The following ARHGAP24 variants were observed in gnomAD, a reference collection of about 807,000 sequenced individuals.
ARHGAP24 encodes rho GTPase-activating protein 24.
In ARHGAP24, 50 loss-of-function variants were observed where a neutral mutation model predicts 76.4. That is an observed-to-expected ratio of 0.65 (90% confidence interval 0.52 to 0.83). The LOEUF (loss-of-function observed/expected upper bound fraction) is 0.83, where lower values mean the gene tolerates loss of function less well. Among genes scored for constraint, ARHGAP24 ranks in the 40% least tolerant of loss-of-function variants. The probability of loss-of-function intolerance (pLI) is 0.00; values close to 1 mark genes in which losing one functional copy is unlikely to be tolerated. For synonymous variants in ARHGAP24, 345 were observed against 323.3 expected, an observed-to-expected ratio of 1.07 and a Z score of -0.72; for missense variants, 930 against 914.2, an observed-to-expected ratio of 1.02 and a Z score of -0.22.
intron 3 of ARHGAP24, chr4:85,778,627 A>G (rs1727400150): frequency 2.1e-6 from 2 of 946,246 alleles, no homozygotes; most frequent in Non-Finnish European, 2.5e-6. Flanking sequence ...TTGTTTCTAA[A>G]TGCTCAAATA....
At chr4:85,815,090 C>T (rs899358788) in intron 3 of ARHGAP24, among the ~76,000 whole-genome samples, 1 of 152,142 alleles carries the variant, frequency 6.6e-6, no homozygotes, top group Non-Finnish European at 1.5e-5. Context: ...CAGCTGGGAC[C>T]AAGGGCACCA....
intron 1 of ARHGAP24, among the ~76,000 whole-genome samples, chr4:85,486,839 A>G (rs1461227252): frequency 6.6e-6 from 1 of 152,048 alleles, no homozygotes; most frequent in Non-Finnish European, 1.5e-5. Context: ...ATTCCCTGTG[A>G]TAAGAAATGC....
At chr4:85,819,345 C>A (rs1306662498) in intron 3 of ARHGAP24, among the ~76,000 whole-genome samples, 1 of 152,154 alleles carries the variant, frequency 6.6e-6, no homozygotes, top group Non-Finnish European at 1.5e-5. Flanking sequence ...TGATTGCAAT[C>A]TCATTTGACA....
chr4:85,683,138 G>A (rs1387163563), intron 2 of ARHGAP24, among the ~76,000 whole-genome samples: 2 of 138,808 alleles, frequency 1.4e-5, no homozygotes, highest in Non-Finnish European at 3.1e-5. Context: ...TGCGGGGGCT[G>A]TAAAAAGGTG....
At chr4:85,520,247 A>G (rs930913741) in intron 1 of ARHGAP24, among the ~76,000 whole-genome samples, 5 of 152,102 alleles carry the variant, frequency 3.3e-5, no homozygotes, top group Admixed American at 1.3e-4. Flanking sequence ...GGGTTTTCAA[A>G]TGGCCCATAA....
rs376555931 is a variant in ARHGAP24 at position 85,973,031 on chromosome 4, C to T, written c.732+863C>T. Among the ~76,000 whole-genome samples the T allele has an allele frequency of 9.9e-5, 15 of 152,186 alleles. No homozygotes were observed. In the South Asian group the frequency reaches 1.0e-3, roughly 11 times the overall value. On this transcript the variant is annotated intron_variant, in intron 6 of 9. Coordinates refer to ENST00000395184, the MANE Select transcript of ARHGAP24 (RefSeq NM_001025616.3). ...TAATGCTGTTGTGAACATCCACGTACAAAGTTTTGCATGGATCTATGTTTC... is the reference window on the plus strand; with the variant it reads ...TAATGCTGTTGTGAACATCCACGTATAAAGTTTTGCATGGATCTATGTTTC...
At chr4:85,570,437 T>TC in intron 1 of ARHGAP24, 85 bp from the exon 2 acceptor site, 1 of 772,262 alleles carries the variant, frequency 1.3e-6, no homozygotes, top group Admixed American at 2.9e-5. Flanking sequence ...CTCTCTTTTT[T>TC]TTTTTCTGGA....
At chr4:85,500,100 AAT>A (rs1723744483) in intron 1 of ARHGAP24, among the ~76,000 whole-genome samples, 1 of 152,302 alleles carries the variant, frequency 6.6e-6, no homozygotes, top group South Asian at 2.1e-4. Context: ...AATTTTCACT[AAT>A]ATTTTGAAGT....
chr4:85,599,555 A>G (rs983571514), intron 2 of ARHGAP24, among the ~76,000 whole-genome samples: 1 of 152,136 alleles, frequency 6.6e-6, no homozygotes, highest in Non-Finnish European at 1.5e-5. Flanking sequence ...CTTCCTTTTG[A>G]TGGATGTGTT....
chr4:85,561,809 C>G (rs563600250), intron 1 of ARHGAP24, among the ~76,000 whole-genome samples: 2 of 152,066 alleles, frequency 1.3e-5, no homozygotes, highest in Non-Finnish European at 2.9e-5. Flanking sequence ...TAGAAGGCCT[C>G]CATCCTCAAG....
At chr4:85,872,805 T>A (rs1732618335) in intron 3 of ARHGAP24, among the ~76,000 whole-genome samples, 1 of 151,746 alleles carries the variant, frequency 6.6e-6, no homozygotes. Flanking sequence ...CTTGCCATGT[T>A]GCCCAGGCTG....
chr4:85,626,375 C>A (rs1257122040), intron 2 of ARHGAP24, among the ~76,000 whole-genome samples: 1 of 152,140 alleles, frequency 6.6e-6, no homozygotes, highest in Non-Finnish European at 1.5e-5. Flanking sequence ...AAATTCTTTT[C>A]TTTAAGAATG....
intron 2 of ARHGAP24, among the ~76,000 whole-genome samples, chr4:85,695,481 A>G (rs1389669446): frequency 2.0e-5 from 3 of 152,186 alleles, no homozygotes; most frequent in Admixed American, 6.5e-5. Flanking sequence ...GATGGAAAAA[A>G]ATCAAATTAT....
chr4:85,571,414 A>G (rs956031117), intron 2 of ARHGAP24, among the ~76,000 whole-genome samples: 5 of 152,222 alleles, frequency 3.3e-5, no homozygotes, highest in Admixed American at 6.5e-5. Context: ...TTATCAGTTG[A>G]TGAGAGGGTA....
chr4:85,623,517 G>C (rs1186767523), intron 2 of ARHGAP24, among the ~76,000 whole-genome samples: 2 of 152,194 alleles, frequency 1.3e-5, no homozygotes. Flanking sequence ...TTTGAAGTCA[G>C]GTAGGGTGAT....
chr4:85,636,606 C>T (rs1039966262), intron 2 of ARHGAP24, among the ~76,000 whole-genome samples: 6 of 151,848 alleles, frequency 4.0e-5, no homozygotes, highest in African/African-American at 7.2e-5. Context: ...ATCACTATTA[C>T]GCCTTGACAC....
chr4:85,983,242 G>T (rs1739783995), intron 8 of ARHGAP24, among the ~76,000 whole-genome samples: 1 of 152,152 alleles, frequency 6.6e-6, no homozygotes, highest in Non-Finnish European at 1.5e-5. Flanking sequence ...ACATATGTGT[G>T]CATGTATCTT....
At chr4:85,720,228 C>T (rs963836859) in intron 2 of ARHGAP24, among the ~76,000 whole-genome samples, 2 of 151,434 alleles carry the variant, frequency 1.3e-5, no homozygotes, top group East Asian at 1.9e-4. Context: ...CAAACCTGCA[C>T]GTTGTGCACA....
chr4:85,828,528 TAAAA>T (rs67257658), intron 3 of ARHGAP24, among the ~76,000 whole-genome samples: 30 of 146,160 alleles, frequency 2.1e-4, no homozygotes, highest in Middle Eastern at 3.5e-3. Flanking sequence ...TTTTTTTTTT[TAAAA>T]AAAGCCAAAA....
Sources: allele counts gnomAD v4.1 joint callset (sites outside exome capture counted in the v4.1 genomes callset), GRCh38; gene constraint gnomAD v4.1.1; transcripts MANE v1.5; gene names NCBI Gene and HGNC (gene_info 2026-07-23, HGNC 2026-07-21).